Variants in VWF observed in about 807,000 individuals in gnomAD.
The protein encoded by VWF is von Willebrand factor.
VWF carries 176 observed loss-of-function variants against 308.6 expected under a neutral mutation model. The ratio of observed to expected loss-of-function variants is 0.57; its 90% CI spans 0.50 to 0.65. The LOEUF (loss-of-function observed/expected upper bound fraction) is 0.65, where lower values mean the gene tolerates loss of function less well. Ranked by LOEUF, VWF falls within the 30% of genes least tolerant of loss-of-function variation. VWF has a pLI of 0.00. For synonymous variants in VWF, 1,385 were observed against 1,443.4 expected, an observed-to-expected ratio of 0.96 and a Z score of 0.92; for missense variants, 3,146 against 3,648.2, an observed-to-expected ratio of 0.86 and a Z score of 3.55.
chr12:6,094,167 G>A (rs1161371675), intron 6 of VWF, among the ~76,000 whole-genome samples: 1 of 152,144 alleles, frequency 6.6e-6, no homozygotes, highest in African/African-American at 2.4e-5. Flanking sequence ...CTCAGCCCAG[G>A]GAAACTAAAT....
chr12:6,052,816 G>T, intron 15 of VWF, 33 bp from the exon 16 acceptor site: 1 of 1,601,832 alleles, frequency 6.2e-7, no homozygotes, highest in Non-Finnish European at 8.5e-7. Flanking sequence ...GGCCTCAGCG[G>T]GAATGTTGGA....
chr12:6,033,275 C>A (rs1478461093), intron 20 of VWF, among the ~76,000 whole-genome samples: 2 of 152,144 alleles, frequency 1.3e-5, no homozygotes, highest in African/African-American at 4.8e-5. Flanking sequence ...AGGAGGATGG[C>A]AGAAAGGGGA....
At chr12:6,021,729 A>C (rs1192586567) in intron 27 of VWF, among the ~76,000 whole-genome samples, 171 bp downstream of exon 27, 5 of 152,306 alleles carry the variant, frequency 3.3e-5, no homozygotes, top group Non-Finnish European at 5.9e-5. Flanking sequence ...CCTAGGAACA[A>C]ACAAAACAAT....
intron 40 of VWF, among the ~76,000 whole-genome samples, chr12:5,984,116 A>T (rs11063969): frequency 0.075 from 11,457 of 152,228 alleles, 625 homozygotes; most frequent in East Asian, 0.25. Flanking sequence ...GTCAACTTGG[A>T]TCCTCTAGAC....
chr12:6,123,974 C>A (rs571199778), intron 1 of VWF, among the ~76,000 whole-genome samples: 1 of 152,138 alleles, frequency 6.6e-6, no homozygotes, highest in Non-Finnish European at 1.5e-5. Context: ...GCCTGAGATT[C>A]ACTGGGGGTG....
chr12:5,964,274 G>GCATGCATACATACATACATACATA (rs1591833448), intron 47 of VWF, among the ~76,000 whole-genome samples: 5 of 134,706 alleles, frequency 3.7e-5, no homozygotes, highest in African/African-American at 1.5e-4. Context: ...ATACATACAT[G>GCATGCATACATACATACATACATA]CATACATACA....
chr12:6,008,450 G>C (rs796609023), intron 34 of VWF, among the ~76,000 whole-genome samples: 12 of 152,196 alleles, frequency 7.9e-5, no homozygotes, highest in African/African-American at 2.6e-4. Flanking sequence ...TACAGATAAA[G>C]CATTTGTCAT....
chr12:6,095,389 C>T, intron 6 of VWF, 71 bp downstream of exon 6: 1 of 1,610,824 alleles, frequency 6.2e-7, no homozygotes, highest in Non-Finnish European at 8.5e-7. Flanking sequence ...GGATATGAGA[C>T]TGAGTCCTTC....
intron 32 of VWF, among the ~76,000 whole-genome samples, chr12:6,013,062 G>A (rs1031984548): frequency 3.3e-5 from 5 of 152,088 alleles, no homozygotes; most frequent in African/African-American, 2.4e-5. Flanking sequence ...TTTGATATGA[G>A]TCTCCGTGTT....
chr12:6,095,673 G>T (rs1191463700), intron 5 of VWF, 89 bp from the exon 6 acceptor site: 11 of 1,590,726 alleles, frequency 6.9e-6, no homozygotes, highest in Non-Finnish European at 9.5e-6. Flanking sequence ...TGGTGGTTTT[G>T]TGTGTTTTGT....
chr12:6,036,491 C>T lies in VWF; in HGVS notation c.2443G>A (p.Val815Ile), dbSNP rs777607730. ...VSGCLCPPGM[V>I]RHENRCVALE... Reference sequence around the variant, plus strand: ...GCCACACATCTGTTCTCATGCCGGACCTAAGAGAAAAGAATCCAAAAGTCC... The same window carrying T: ...GCCACACATCTGTTCTCATGCCGGATCTAAGAGAAAAGAATCCAAAAGTCC... The change falls in exon 19 of 52, where the codon GTC (valine) becomes ATC (isoleucine). Residue 815 changes from valine (V) to isoleucine (I), a missense_variant and splice_region_variant. Val to Ile is a conservative substitution (Grantham distance 29). Transcript: ENST00000261405. 6.2e-7 allele frequency: 1 copy of T among 1,614,034 alleles called. No individual in the cohort carries two copies.
chr12:6,026,094 C>T (rs376407569), intron 22 of VWF, 48 bp from the exon 23 acceptor site: 1 of 1,613,116 alleles, frequency 6.2e-7, no homozygotes, highest in African/African-American at 1.3e-5. Context: ...CAGGAGCATG[C>T]TCTCCGGCTC....
At chr12:6,081,746 T>C (rs1394594761) in intron 6 of VWF, among the ~76,000 whole-genome samples, 1 of 152,152 alleles carries the variant, frequency 6.6e-6, no homozygotes, top group Non-Finnish European at 1.5e-5. Context: ...AAGATGCTAT[T>C]TGCAATTTTT....
At chr12:5,981,522 G>T (rs1591841318) in intron 42 of VWF, among the ~76,000 whole-genome samples, 1 of 152,292 alleles carries the variant, frequency 6.6e-6, no homozygotes, top group East Asian at 1.9e-4. Flanking sequence ...AGGCTCACAA[G>T]AAATGCCTCC....
At chr12:6,108,980 C>CAAAAAA (rs748182676) in intron 5 of VWF, among the ~76,000 whole-genome samples, 1 of 63,840 alleles carries the variant, frequency 1.6e-5, no homozygotes, top group Non-Finnish European at 3.2e-5. Context: ...GACTCCGTCT[C>CAAAAAA]AAAAAAAAAA....
intron 10 of VWF, among the ~76,000 whole-genome samples, chr12:6,070,360 C>G (rs1263599793): frequency 6.6e-6 from 1 of 152,146 alleles, no homozygotes; most frequent in Non-Finnish European, 1.5e-5. Flanking sequence ...AACTCACAGA[C>G]CCTAAATACA....
intron 47 of VWF, among the ~76,000 whole-genome samples, chr12:5,955,773 CTT>C (rs925887502): frequency 1.1e-4 from 17 of 152,204 alleles, no homozygotes; most frequent in Admixed American, 1.0e-3. Context: ...AATCTGGAAA[CTT>C]TAGGAAAAAA....
chr12:5,993,442 G>A (rs1035011067), intron 37 of VWF, among the ~76,000 whole-genome samples: 47 of 152,146 alleles, frequency 3.1e-4, no homozygotes, highest in African/African-American at 9.2e-4. Flanking sequence ...CACTGTAAGT[G>A]TGTGCTAAAG....
chr12:6,064,052 C>T (rs564982850), intron 12 of VWF, among the ~76,000 whole-genome samples, 194 bp downstream of exon 12: 1 of 152,352 alleles, frequency 6.6e-6, no homozygotes, highest in Admixed American at 6.5e-5. Context: ...TCTAGTCTTC[C>T]TCCTCCAGGA....
Sources: allele counts gnomAD v4.1 joint callset (sites outside exome capture counted in the v4.1 genomes callset), GRCh38; gene constraint gnomAD v4.1.1; transcripts MANE v1.5; gene names NCBI Gene and HGNC (gene_info 2026-07-23, HGNC 2026-07-21).